The following CDK5RAP2 variants were observed in gnomAD, a reference collection of about 807,000 sequenced individuals.
CDK5RAP2 encodes CDK5 regulatory subunit associated protein 2.
A neutral mutation model predicts 232.9 loss-of-function variants in CDK5RAP2; 147 were observed. The observed-to-expected ratio is 0.63, with a 90% CI of 0.55 to 0.72. The LOEUF (loss-of-function observed/expected upper bound fraction) is 0.72. Among genes scored for constraint, CDK5RAP2 ranks in the 30% least tolerant of loss-of-function variants. The probability of loss-of-function intolerance (pLI) is 0.00; values close to 1 mark genes in which losing one functional copy is unlikely to be tolerated. For synonymous variants in CDK5RAP2, 833 were observed against 833.7 expected (o/e 1.00, Z 0.01); for missense variants, 2,195 against 2,231.5 (o/e 0.98, Z 0.33).
intron 19 of CDK5RAP2, 40 bp from the exon 20 acceptor site, chr9:120,458,662 G>C: frequency 6.3e-7 from 1 of 1,580,670 alleles, no homozygotes; most frequent in Non-Finnish European, 8.7e-7. Context: ...GGAATAAGGA[G>C]GAAGGGAATG....
intron 12 of CDK5RAP2, among the ~76,000 whole-genome samples, chr9:120,494,393 T>C (rs2039055152): frequency 6.6e-6 from 1 of 152,080 alleles, no homozygotes; most frequent in South Asian, 2.1e-4. Context: ...AGGGAAAACA[T>C]AATACGAAAT....
At chr9:120,518,923 T>C (rs1206385792) in intron 11 of CDK5RAP2, among the ~76,000 whole-genome samples, 1 of 152,148 alleles carries the variant, frequency 6.6e-6, no homozygotes, top group Non-Finnish European at 1.5e-5. Flanking sequence ...ACACCTGTAA[T>C]CCCAGCACTT....
intron 11 of CDK5RAP2, 85 bp from the exon 12 acceptor site, chr9:120,518,730 G>A: frequency 5.7e-6 from 6 of 1,055,804 alleles, no homozygotes; most frequent in Non-Finnish European, 5.8e-6. Flanking sequence ...TTTTCGCCGT[G>A]GGGGAAAAAA....
Position 120,402,926 on chromosome 9 carries a change from G to A in CDK5RAP2, c.5187C>T (p.Gly1729=). The A allele has an allele frequency of 1.2e-6, 2 of 1,614,124 alleles. No individual in the cohort carries two copies. The change falls in exon 34 of 38, where the codon GGC becomes GGT. Residue 1729 remains glycine, a synonymous_variant. Coordinates refer to ENST00000349780, the MANE Select transcript of CDK5RAP2 (RefSeq NM_018249.6). ...GCAGGGCCTCATAGTCCTCAATCAG[G>A]CCCAGGACATGGCGGCCATTCTTGC... ...WASKNGRHVL[G]LIEDYEALLK...
intron 14 of CDK5RAP2, among the ~76,000 whole-genome samples, chr9:120,480,475 T>C (rs905018109): frequency 2.0e-5 from 3 of 152,242 alleles, no homozygotes; most frequent in African/African-American, 7.2e-5. Flanking sequence ...TATCTCAAAA[T>C]ATTCATTCTT....
chr9:120,443,028 A>G (rs1340291172), intron 23 of CDK5RAP2, among the ~76,000 whole-genome samples: 3 of 152,212 alleles, frequency 2.0e-5, no homozygotes, highest in African/African-American at 2.4e-5. Flanking sequence ...GAATGAGAAC[A>G]TGAGTATTTG....
chr9:120,412,934 C>G (rs923282611), intron 28 of CDK5RAP2, among the ~76,000 whole-genome samples: 10 of 152,360 alleles, frequency 6.6e-5, no homozygotes, highest in African/African-American at 2.4e-4. Context: ...ACTCTGGTAT[C>G]TTTTCAGAGA....
At chr9:120,522,887 C>T (rs1282892440) in intron 11 of CDK5RAP2, among the ~76,000 whole-genome samples, 2 of 152,212 alleles carry the variant, frequency 1.3e-5, no homozygotes, top group African/African-American at 2.4e-5. Context: ...TATCTGTGCA[C>T]CATTCAAACT....
chr9:120,526,166 C>G (rs762961006), intron 10 of CDK5RAP2, among the ~76,000 whole-genome samples: 7 of 152,194 alleles, frequency 4.6e-5, no homozygotes, highest in Non-Finnish European at 7.3e-5. Flanking sequence ...TTAACTCACA[C>G]CTATAAACAG....
chr9:120,530,141 C>CT lies in CDK5RAP2; in HGVS notation c.663-2dup. On this transcript the variant is annotated splice_acceptor_variant, in intron 7 of 37. Coordinates refer to ENST00000349780, the MANE Select transcript of CDK5RAP2 (RefSeq NM_018249.6). LOFTEE classifies it high-confidence loss of function. ...AGACAGCTTCAACTCCTCAATCAGT[C>CT]TAAAAGAGAACAAAATTTAAATATT... The CT allele has an allele frequency of 3.1e-6, 5 of 1,611,668 alleles. No individual in the cohort carries two copies. Among genetic ancestry groups the CT allele is most frequent in the Non-Finnish European group, 4.2e-6 (5 of 1,178,678 alleles).
At chr9:120,561,885 T>A (rs912113011) in intron 3 of CDK5RAP2, among the ~76,000 whole-genome samples, 2 of 152,226 alleles carry the variant, frequency 1.3e-5, no homozygotes, top group Admixed American at 6.5e-5. Flanking sequence ...TGTGCACTGA[T>A]AGACTCAGTG....
chr9:120,482,368 CG>C (rs796435291), intron 14 of CDK5RAP2, among the ~76,000 whole-genome samples: 33 of 152,256 alleles, frequency 2.2e-4, no homozygotes, highest in Admixed American at 5.9e-4. Flanking sequence ...AAAGATTCCT[CG>C]GAATTTTCAG....
intron 12 of CDK5RAP2, among the ~76,000 whole-genome samples, chr9:120,514,257 C>T (rs969702035): frequency 6.6e-6 from 1 of 152,162 alleles, no homozygotes; most frequent in Admixed American, 6.5e-5. Flanking sequence ...TTAGAGTATA[C>T]AGCTGCTTTT....
chr9:120,417,228 C>G (rs963201172), intron 27 of CDK5RAP2, among the ~76,000 whole-genome samples: 12 of 151,084 alleles, frequency 7.9e-5, no homozygotes, highest in Admixed American at 7.3e-4. Flanking sequence ...TCCTGGCGCC[C>G]ACGGCACTGC....
At chr9:120,555,655 T>C (rs2042202716) in intron 3 of CDK5RAP2, among the ~76,000 whole-genome samples, 1 of 152,124 alleles carries the variant, frequency 6.6e-6, no homozygotes, top group African/African-American at 2.4e-5. Context: ...GGCAATTTCT[T>C]GCAAAAAAAA....
chr9:120,561,070 T>C (rs59988229), intron 3 of CDK5RAP2, among the ~76,000 whole-genome samples: 1,859 of 152,270 alleles, frequency 0.012, 39 homozygotes, highest in African/African-American at 0.042. Context: ...GTACAAACAC[T>C]GTTAGACTTC....
intron 23 of CDK5RAP2, among the ~76,000 whole-genome samples, chr9:120,442,131 G>A (rs2035936626): frequency 6.6e-6 from 1 of 152,222 alleles, no homozygotes; most frequent in Non-Finnish European, 1.5e-5. Flanking sequence ...AAGTAATTAT[G>A]AGGCATCACT....
intron 15 of CDK5RAP2, among the ~76,000 whole-genome samples, chr9:120,473,533 C>T (rs1225062811): frequency 1.3e-5 from 2 of 152,248 alleles, no homozygotes; most frequent in Non-Finnish European, 1.5e-5. Flanking sequence ...TAAATCAACA[C>T]ACATTGGAAG....
intron 12 of CDK5RAP2, among the ~76,000 whole-genome samples, chr9:120,518,102 G>A (rs1286433030): frequency 6.6e-6 from 1 of 151,778 alleles, no homozygotes; most frequent in East Asian, 1.9e-4. Context: ...CAACAAACCA[G>A]AGAGAGAACA....
Sources: gnomAD v4.1 joint callset for allele counts (sites outside exome capture counted in the v4.1 genomes callset) on GRCh38, gnomAD v4.1.1 for gene constraint, MANE v1.5 for transcripts, NCBI Gene and HGNC (gene_info 2026-07-23, HGNC 2026-07-21) for gene names.